Variants in FAM177B observed in about 807,000 individuals in gnomAD.
FAM177B encodes the protein family with sequence similarity 177 member B.
FAM177B carries 16 observed loss-of-function variants against 16.1 expected under a neutral mutation model. The observed-to-expected ratio is 0.99, with a 90% confidence interval of 0.67 to 1.51. FAM177B has a LOEUF of 1.51. FAM177B is among the 40% of genes most tolerant of loss of function. The probability of loss-of-function intolerance (pLI) is 0.00; values close to 1 mark genes in which losing one functional copy is unlikely to be tolerated. For synonymous variants in FAM177B, 56 were observed against 59.9 expected, an observed-to-expected ratio of 0.93 and a Z score of 0.30; for missense variants, 178 against 183.7, an observed-to-expected ratio of 0.97 and a Z score of 0.18.
chr1:222,744,675 T>G (rs1375763840), intron 2 of FAM177B, among the ~76,000 whole-genome samples: 1 of 152,194 alleles, frequency 6.6e-6, no homozygotes, highest in African/African-American at 2.4e-5. Context: ...AGGTTGGCAC[T>G]ATATCATTTC....
intron 2 of FAM177B, among the ~76,000 whole-genome samples, chr1:222,741,760 CTTTT>C (rs1267338070): frequency 1.2e-4 from 15 of 121,714 alleles, no homozygotes; most frequent in African/African-American, 3.3e-4. Context: ...TTCTTTCTTT[CTTTT>C]TCTTTCTTCC....
Position 222,746,590 on chromosome 1 carries a change from A to T in FAM177B, c.45A>T (p.Val15=). 6.2e-7 allele frequency: 1 copy of T among 1,611,350 alleles called. No individual in the cohort carries two copies. The highest frequency in any genetic ancestry group is 8.5e-7 in the Non-Finnish European group (1 of 1,177,548). ...GFQQLDLEKS[V]PSKKTTPKRI... ...AGCAGTTAGACCTAGAGAAGAGTGT[A>T]CCTTCCAAAAAGACTACTCCTAAAA... Residue 15 remains valine (V), a synonymous_variant, in exon 3 of 6, where the codon GTA becomes GTT. Transcript: ENST00000445590.
chr1:222,743,883 A>G (rs566812831), intron 2 of FAM177B, among the ~76,000 whole-genome samples: 2 of 152,184 alleles, frequency 1.3e-5, no homozygotes, highest in Admixed American at 6.5e-5. Context: ...TCCAAGGCCT[A>G]TATCTGGTTC....
chr1:222,746,790 C>G, intron 3 of FAM177B, 71 bp downstream of exon 3: 2 of 1,313,284 alleles, frequency 1.5e-6, no homozygotes, highest in Admixed American at 2.3e-5. Context: ...TTGAGCCAGA[C>G]AAGGTTTATA....
intron 2 of FAM177B, among the ~76,000 whole-genome samples, chr1:222,744,331 G>A (rs1203839522): frequency 2.6e-5 from 4 of 152,038 alleles, no homozygotes; most frequent in African/African-American, 9.7e-5. Flanking sequence ...AGTTAGCCGG[G>A]GGTGGTGGTG....
chr1:222,746,476 A>T (rs992756977), intron 2 of FAM177B, 55 bp from the exon 3 acceptor site: 2 of 976,714 alleles, frequency 2.0e-6, no homozygotes, highest in Admixed American at 4.6e-5. Flanking sequence ...AAATAACTAG[A>T]TAACTCTCAG....
chr1:222,749,569 G>A lies in FAM177B; in HGVS notation c.339+7G>A. ...CTATAGGATACAAAACAAGGTATGTGACACTCTGATGGAAACAAGGGGCCT... is the reference window on the plus strand; with the variant it reads ...CTATAGGATACAAAACAAGGTATGTAACACTCTGATGGAAACAAGGGGCCT... On this transcript the variant is annotated splice_region_variant and intron_variant, in intron 5 of 5. Transcript: ENST00000445590. 6.6e-7 allele frequency: 1 copy of A among 1,523,770 alleles called. No homozygotes were observed. Among genetic ancestry groups the A allele is most frequent in the Non-Finnish European group, 9.1e-7 (1 of 1,104,092 alleles). The allele number at this position is 1,523,770 out of a possible 1,614,324, so 94.4% of individuals were successfully genotyped here.
At chr1:222,748,780 T>G (rs1374611670) in intron 4 of FAM177B, among the ~76,000 whole-genome samples, 3 of 152,222 alleles carry the variant, frequency 2.0e-5, no homozygotes, top group African/African-American at 7.2e-5. Flanking sequence ...TTTGATGCCC[T>G]ATATGAGCAA....
chr1:222,741,762 TTTTC>T (rs1658544040), intron 2 of FAM177B, among the ~76,000 whole-genome samples: 1 of 145,296 alleles, frequency 6.9e-6, no homozygotes, highest in Admixed American at 6.8e-5. Flanking sequence ...CTTTCTTTCT[TTTTC>T]TTTCTTCCTT....
Position 222,747,065 on chromosome 1 carries a change from A to G in FAM177B, c.225A>G (p.Ala75=). 6.2e-7 allele frequency: 1 copy of G among 1,611,060 alleles called. No homozygotes were observed. Among genetic ancestry groups the G allele is most frequent in the Non-Finnish European group, 8.5e-7 (1 of 1,177,250 alleles). The change falls in exon 4 of 6, where the codon GCA becomes GCG. Residue 75 remains alanine (A), a synonymous_variant. Coordinates refer to ENST00000445590, the MANE Select transcript of FAM177B (RefSeq NM_001394345.1). The stretch of plus-strand genomic sequence containing the variant: ...TACGATTTTGGGCAGGACGAATAGC[A>G]AGCACCTCATTTTCTAGTAAGTACT... The part of the protein sequence containing the change: ...PYLRFWAGRI[A]STSFSTCEFL...
chr1:222,738,931 A>G (rs1658406550), intron 2 of FAM177B, among the ~76,000 whole-genome samples: 1 of 152,196 alleles, frequency 6.6e-6, no homozygotes, highest in South Asian at 2.1e-4. Context: ...GTGCTCATTC[A>G]CGGTCTCTCT....
intron 2 of FAM177B, among the ~76,000 whole-genome samples, chr1:222,741,867 TTC>T (rs1340659395): frequency 3.4e-5 from 5 of 145,432 alleles, no homozygotes; most frequent in South Asian, 2.3e-4. Context: ...CCTTTCTTCT[TTC>T]TTTCTTTCTT....
At chr1:222,747,118 CAAAT>C in intron 4 of FAM177B, 37 bp downstream of exon 4, 2 of 1,357,016 alleles carry the variant, frequency 1.5e-6, no homozygotes, top group Non-Finnish European at 1.1e-6. Flanking sequence ...CTATCCTAAA[CAAAT>C]ATATATATCG....
chr1:222,749,136 G>T, intron 4 of FAM177B: 1 of 463,172 alleles, frequency 2.2e-6, no homozygotes. Flanking sequence ...GGTATGCATG[G>T]GGATAATGAA....
At chr1:222,740,643 A>G (rs756914928) in intron 2 of FAM177B, among the ~76,000 whole-genome samples, 26 of 152,144 alleles carry the variant, frequency 1.7e-4, no homozygotes, top group Non-Finnish European at 2.9e-4. Context: ...TTATTATCTA[A>G]TACTTAATAC....
intron 2 of FAM177B, among the ~76,000 whole-genome samples, chr1:222,744,411 G>C (rs188011059): frequency 6.6e-6 from 1 of 150,892 alleles, no homozygotes; most frequent in Non-Finnish European, 1.5e-5. Context: ...GACAGAGGTT[G>C]CAGTGAGCCG....
In FAM177B at chr1:222,738,724, G is replaced by A. The variant is rs577285228; in HGVS notation, c.-16+703G>A. Among the ~76,000 whole-genome samples the A allele has an allele frequency of 7.2e-5, 11 of 152,066 alleles. No individual in the cohort carries two copies. In the South Asian group the frequency reaches 1.7e-3, roughly 23 times the overall value. On this transcript the variant is annotated intron_variant, in intron 2 of 5. Coordinates refer to ENST00000445590, the MANE Select transcript of FAM177B (RefSeq NM_001394345.1). ...AAAAGAAGATCACTTACAAAATACCGACATCTAGGTGTGAAGCTGGCAATG... is the reference window on the plus strand; with the variant it reads ...AAAAGAAGATCACTTACAAAATACCAACATCTAGGTGTGAAGCTGGCAATG...
chr1:222,749,602 G>T, intron 5 of FAM177B, 40 bp downstream of exon 5: 1 of 1,227,988 alleles, frequency 8.1e-7, no homozygotes. Context: ...CCTGAGATGG[G>T]AATATTGGTT....
chr1:222,740,786 G>T (rs1658486198), intron 2 of FAM177B, among the ~76,000 whole-genome samples: 1 of 150,924 alleles, frequency 6.6e-6, no homozygotes. Context: ...TGCAAGCTCG[G>T]CCTCCCGGGT....
Sources: gnomAD v4.1 joint callset for allele counts (sites outside exome capture counted in the v4.1 genomes callset) on GRCh38, gnomAD v4.1.1 for gene constraint, MANE v1.5 for transcripts, NCBI Gene and HGNC (gene_info 2026-07-23, HGNC 2026-07-21) for gene names.